Variants in EPHA3 observed in about 807,000 individuals in gnomAD.
EPHA3 encodes the protein EPH receptor A3.
In EPHA3, 42 loss-of-function variants were observed where a neutral mutation model predicts 107.1. That is an observed-to-expected ratio of 0.39 (90% CI 0.31 to 0.51). EPHA3 has a LOEUF of 0.51. Among genes scored for constraint, EPHA3 ranks in the 20% least tolerant of loss-of-function variants. The probability of loss-of-function intolerance (pLI) is 0.78; values close to 1 mark genes in which losing one functional copy is unlikely to be tolerated. For synonymous variants in EPHA3, 461 were observed against 424.8 expected (o/e 1.09, Z -1.05); for missense variants, 1,183 against 1,211.2 (o/e 0.98, Z 0.35).
intron 5 of EPHA3, among the ~76,000 whole-genome samples, chr3:89,347,674 G>A (rs1032680399): frequency 1.0e-4 from 15 of 150,710 alleles, no homozygotes; most frequent in African/African-American, 2.9e-4. Context: ...GGTGAGAGAG[G>A]GCATCCCTGT....
rs1420005671 is a variant in EPHA3 at position 89,341,883 on chromosome 3, G to A, written c.1099G>A (p.Gly367Arg). The change falls in exon 5 of 17, where the codon GGG (glycine) becomes AGG (arginine). Residue 367 changes from glycine to arginine, a missense_variant. Gly to Arg is a moderately radical substitution (Grantham distance 125). Coordinates refer to ENST00000336596, the MANE Select transcript of EPHA3 (RefSeq NM_005233.6). Reference protein sequence around the residue: ...VTFNIICKKCGWNIKQCEPCS... With the variant: ...VTFNIICKKCRWNIKQCEPCS... ...CTTCAACATCATATGTAAAAAATGT[G>A]GGTGGAATATAAAACAGTGTGAGCC... is the stretch of plus-strand genomic sequence containing the variant. The A allele has an allele frequency of 3.1e-6, 5 of 1,613,804 alleles. No homozygotes were observed. Among genetic ancestry groups the A allele is most frequent in the Non-Finnish European group, 4.2e-6 (5 of 1,179,974 alleles).
chr3:89,447,820 C>T (rs1377654344), intron 13 of EPHA3, among the ~76,000 whole-genome samples: 4 of 152,118 alleles, frequency 2.6e-5, no homozygotes, highest in Non-Finnish European at 4.4e-5. Context: ...TGAGGACAGT[C>T]CTGCACAACA....
chr3:89,458,672 G>T (rs149009666), intron 15 of EPHA3, among the ~76,000 whole-genome samples: 47 of 152,028 alleles, frequency 3.1e-4, no homozygotes, highest in Non-Finnish European at 6.2e-4. Context: ...CTGCATCTTC[G>T]CTGGCATCTG....
intron 3 of EPHA3, among the ~76,000 whole-genome samples, chr3:89,284,713 T>C (rs902097505): frequency 6.6e-6 from 1 of 152,190 alleles, no homozygotes; most frequent in African/African-American, 2.4e-5. Context: ...TACCATAGCC[T>C]AAAAGGCCCC....
At chr3:89,433,044 T>C (rs989255945) in intron 13 of EPHA3, among the ~76,000 whole-genome samples, 6 of 152,202 alleles carry the variant, frequency 3.9e-5, no homozygotes, top group Non-Finnish European at 7.3e-5. Context: ...GATGTCATGA[T>C]ATCTATTTTG....
At chr3:89,380,238 G>A (rs373649410) in intron 5 of EPHA3, among the ~76,000 whole-genome samples, 29 of 152,258 alleles carry the variant, frequency 1.9e-4, no homozygotes, top group African/African-American at 6.5e-4. Flanking sequence ...TCAGGCATGT[G>A]ATATGTATAA....
chr3:89,251,176 C>G (rs1412040794), intron 3 of EPHA3, among the ~76,000 whole-genome samples: 1 of 152,012 alleles, frequency 6.6e-6, no homozygotes, highest in Non-Finnish European at 1.5e-5. Flanking sequence ...TATCAAACTA[C>G]TAGGGTTTTT....
rs115878753 is a variant in EPHA3, at chr3:89,405,553, G to A, written c.1595-1716G>A. On this transcript the variant is annotated intron_variant, in intron 7 of 16. Coordinates refer to ENST00000336596, the MANE Select transcript of EPHA3 (RefSeq NM_005233.6). ...CTCTGAGCACTTTTCTTCAGATGCT[G>A]CTCACAGGAAACTCCTAACAACCTA... is the stretch of plus-strand genomic sequence containing the variant. Among the ~76,000 whole-genome samples the A allele has an allele frequency of 9.7e-3, 1,481 of 152,246 alleles. 27 individuals are homozygous for A. The highest frequency in any genetic ancestry group is 0.034 in the African/African-American group (1,417 of 41,548).
chr3:89,473,679 A>G (rs1710451241), intron 16 of EPHA3, among the ~76,000 whole-genome samples: 2 of 152,188 alleles, frequency 1.3e-5, no homozygotes, highest in Non-Finnish European at 2.9e-5. Context: ...AATCTAAGTT[A>G]CCAGGAGAGA....
intron 2 of EPHA3, among the ~76,000 whole-genome samples, chr3:89,127,924 G>A (rs1704126086): frequency 6.6e-6 from 1 of 151,988 alleles, no homozygotes; most frequent in Non-Finnish European, 1.5e-5. Context: ...TTTTATGGGA[G>A]AACATTTTTC....
In EPHA3 at chr3:89,469,488, G is replaced by A. The variant is rs973507835; in HGVS notation, c.2691-2976G>A. Among the ~76,000 whole-genome samples, 5 of 152,158 alleles carry A rather than the reference G, an allele frequency of 3.3e-5. No homozygotes were observed. The South Asian group carries it at 6.2e-4, about 19-fold the overall frequency. ...GTAATAGCATGTAGGTGTAGGGCAC[G>A]ATCTAAAATTATCCTGGCTCACGAA... On this transcript the variant is annotated intron_variant, in intron 15 of 16. Coordinates refer to ENST00000336596, the MANE Select transcript of EPHA3 (RefSeq NM_005233.6).
At chr3:89,235,139 C>T (rs1704727824) in intron 3 of EPHA3, among the ~76,000 whole-genome samples, 5 of 148,450 alleles carry the variant, frequency 3.4e-5, no homozygotes, top group Non-Finnish European at 7.4e-5. Flanking sequence ...CCAGTCTGGT[C>T]TCGAACTCCT....
chr3:89,448,839 A>G (rs982172424), intron 13 of EPHA3, among the ~76,000 whole-genome samples: 1 of 152,140 alleles, frequency 6.6e-6, no homozygotes, highest in African/African-American at 2.4e-5. Flanking sequence ...GGTCAAGCAT[A>G]AATCTAGGTT....
chr3:89,201,705 A>G (rs936162137), intron 2 of EPHA3, among the ~76,000 whole-genome samples: 1 of 152,156 alleles, frequency 6.6e-6, no homozygotes, highest in Non-Finnish European at 1.5e-5. Flanking sequence ...TCCATGTTTA[A>G]TATTAGAAGT....
chr3:89,137,472 A>T (rs1237326359), intron 2 of EPHA3, among the ~76,000 whole-genome samples: 1 of 151,996 alleles, frequency 6.6e-6, no homozygotes, highest in Non-Finnish European at 1.5e-5. Flanking sequence ...GTCTATAAAA[A>T]CTATGGTATA....
chr3:89,200,025 G>T (rs556038431), intron 2 of EPHA3, among the ~76,000 whole-genome samples: 83 of 152,272 alleles, frequency 5.5e-4, no homozygotes, highest in African/African-American at 1.6e-3. Flanking sequence ...AATGAATAGA[G>T]AAATGAGTGA....
intron 3 of EPHA3, among the ~76,000 whole-genome samples, chr3:89,247,423 G>T (rs2107256648): frequency 6.6e-6 from 1 of 151,822 alleles, no homozygotes; most frequent in East Asian, 1.9e-4. Flanking sequence ...GAAGTATTTG[G>T]TATTGCTGAA....
At chr3:89,470,681 A>G (rs944472132) in intron 15 of EPHA3, among the ~76,000 whole-genome samples, 5 of 152,074 alleles carry the variant, frequency 3.3e-5, no homozygotes, top group African/African-American at 4.8e-5. Flanking sequence ...ATCATAAATC[A>G]TTTAAGAAAA....
At chr3:89,320,303 C>T (rs1411312522) in intron 3 of EPHA3, among the ~76,000 whole-genome samples, 2 of 151,960 alleles carry the variant, frequency 1.3e-5, no homozygotes, top group Non-Finnish European at 2.9e-5. Flanking sequence ...TCAGTGGCCT[C>T]CAGCTGGGTC....
Sources: allele counts gnomAD v4.1 joint callset (sites outside exome capture counted in the v4.1 genomes callset), GRCh38; gene constraint gnomAD v4.1.1; transcripts MANE v1.5; gene names NCBI Gene and HGNC (gene_info 2026-07-23, HGNC 2026-07-21).